Variants in YWHAG observed in about 807,000 individuals in gnomAD.
YWHAG encodes 14-3-3 protein gamma.
YWHAG carries 1 observed loss-of-function variant against 23.3 expected under a neutral mutation model. That is an observed-to-expected ratio of 0.04 (90% CI 0.02 to 0.20). The LOEUF (loss-of-function observed/expected upper bound fraction) is 0.20, where lower values mean the gene tolerates loss of function less well. Among genes scored for constraint, YWHAG ranks in the 10% least tolerant of loss-of-function variants. The probability of loss-of-function intolerance (pLI) is 1.00; values close to 1 mark genes in which losing one functional copy is unlikely to be tolerated. For missense variants in YWHAG, 151 were observed against 338.6 expected (o/e 0.45, Z 4.35); for synonymous variants, 160 against 144.0 (o/e 1.11, Z -0.80).
chr7:76,337,518 G>A (rs528406499), intron 1 of YWHAG, among the ~76,000 whole-genome samples: 3 of 151,310 alleles, frequency 2.0e-5, no homozygotes, highest in East Asian at 3.9e-4. Flanking sequence ...CATCTCCTGC[G>A]CCTCTTCCCT....
At chr7:76,354,293 C>T (rs1803917856) in intron 1 of YWHAG, among the ~76,000 whole-genome samples, 1 of 151,958 alleles carries the variant, frequency 6.6e-6, no homozygotes, top group Non-Finnish European at 1.5e-5. Flanking sequence ...GGCAGATCAC[C>T]TGAAGTCAGG....
intron 1 of YWHAG, among the ~76,000 whole-genome samples, chr7:76,346,273 A>G (rs1803778494): frequency 6.6e-6 from 1 of 152,090 alleles, no homozygotes; most frequent in Non-Finnish European, 1.5e-5. Context: ...TCACTACTTA[A>G]GTGCCAACCA....
rs542190610 is a variant in YWHAG at position 76,333,647 on chromosome 7, G to GA, written c.88-3415dup. 9.7e-4 allele frequency among the ~76,000 whole-genome samples: 147 copies of GA among 152,050 alleles called. 3 individuals are homozygous for GA. The South Asian group carries it at 0.019, about 20-fold the overall frequency. The stretch of plus-strand genomic sequence containing the variant: ...CATAAACCCTAGTTCCATACAGCCT[G>GA]AAAAAAAACTGCCCAGACTTGGCTT... On this transcript the variant is annotated intron_variant, in intron 1 of 1. Transcript: ENST00000307630.
intron 1 of YWHAG, among the ~76,000 whole-genome samples, chr7:76,349,127 G>A (rs995650727): frequency 6.6e-6 from 1 of 151,922 alleles, no homozygotes; most frequent in East Asian, 1.9e-4. Flanking sequence ...TGGATCACGA[G>A]GTCAGAAGAT....
intron 1 of YWHAG, among the ~76,000 whole-genome samples, chr7:76,353,423 G>A (rs1473708280): frequency 1.3e-5 from 2 of 151,982 alleles, no homozygotes; most frequent in Non-Finnish European, 2.9e-5. Context: ...ATGTTGGTCA[G>A]GCTGGTCTCC....
intron 1 of YWHAG, among the ~76,000 whole-genome samples, chr7:76,349,234 C>A (rs1024383731): frequency 6.7e-6 from 1 of 149,530 alleles, no homozygotes; most frequent in African/African-American, 2.5e-5. Flanking sequence ...CCCAGCTACT[C>A]GGGAGGCTGA....
At chr7:76,348,547 G>A (rs1803821648) in intron 1 of YWHAG, among the ~76,000 whole-genome samples, 1 of 151,852 alleles carries the variant, frequency 6.6e-6, no homozygotes, top group African/African-American at 2.4e-5. Flanking sequence ...GGGGCTACAG[G>A]TGACCGCCAC....
chr7:76,329,831 G>A lies in YWHAG; in HGVS notation c.490C>T (p.His164Tyr). Residue 164 changes from histidine to tyrosine, a missense_variant, in exon 2 of 2, where the codon CAC becomes TAC. His to Tyr is a moderately conservative substitution (Grantham distance 83, BLOSUM62 2). Coordinates refer to ENST00000307630, the MANE Select transcript of YWHAG (RefSeq NM_012479.4). The surrounding 1 kb of genome is among the most constrained non-coding windows in gnomAD (Gnocchi z 6.1). Reference sequence around the variant, plus strand: ...CGGATGGGGTGGGTGGGCTGCATGTGCTCTTTGCTGATCTCGTGGGCTTCG... The same window carrying A: ...CGGATGGGGTGGGTGGGCTGCATGTACTCTTTGCTGATCTCGTGGGCTTCG... ...YSEAHEISKEHMQPTHPIRLG... is the reference protein window; with the variant it reads ...YSEAHEISKEYMQPTHPIRLG... 1 of 1,614,008 alleles carries A rather than the reference G, an allele frequency of 6.2e-7. No homozygotes were observed. The highest frequency in any genetic ancestry group is 8.5e-7 in the Non-Finnish European group (1 of 1,179,990).
Position 76,358,932 on chromosome 7 carries a change from G to A in YWHAG, c.-124C>T. 5 of 900,188 alleles carry A rather than the reference G, an allele frequency of 5.6e-6. No individual in the cohort carries two copies. The South Asian group carries it at 7.7e-5, about 14-fold the overall frequency. 55.8% of individuals were successfully genotyped at this position (900,188 alleles called of 1,614,324 possible). A position where few individuals can be genotyped will look rare whatever the true frequency, so the allele number is the denominator to read the frequency against. On this transcript the variant is annotated 5_prime_UTR_variant, in exon 1 of 2. Transcript: ENST00000307630. ...ACCCACAGAGCGAGCAGCTGAGGCG[G>A]CGGCTGCGCGGAGGAGGCGGCTGGA...
At position 76,327,236 on chromosome 7, in the gene YWHAG, C is replaced by A. The variant is rs532110435; in HGVS notation, c.*2341G>T. ...GAAAAATTAAATTAAAAAAAAAAAACCTTTAAAAAATTTGAAGACTTAATT... is the reference window on the plus strand; with the variant it reads ...GAAAAATTAAATTAAAAAAAAAAAAACTTTAAAAAATTTGAAGACTTAATT... On this transcript the variant is annotated 3_prime_UTR_variant, in exon 2 of 2. Transcript: ENST00000307630. 6 of 150,750 alleles carry A rather than the reference C, an allele frequency of 4.0e-5. No homozygotes were observed. The East Asian group carries it at 5.9e-4, about 15-fold the overall frequency. 9.3% of individuals were successfully genotyped at this position (150,750 alleles called of 1,614,324 possible).
chr7:76,352,463 C>T (rs988945241), intron 1 of YWHAG, among the ~76,000 whole-genome samples: 8 of 152,264 alleles, frequency 5.3e-5, no homozygotes, highest in African/African-American at 1.9e-4. Context: ...CCAACTCGGA[C>T]ACCCCTGCTC....
intron 1 of YWHAG, among the ~76,000 whole-genome samples, chr7:76,339,047 C>G (rs1483701464): frequency 6.6e-6 from 1 of 152,202 alleles, no homozygotes; most frequent in Non-Finnish European, 1.5e-5. Flanking sequence ...AGCTTAAAGC[C>G]AATCTTGAAA....
chr7:76,342,234 C>T (rs1803707239), intron 1 of YWHAG, among the ~76,000 whole-genome samples: 1 of 152,204 alleles, frequency 6.6e-6, no homozygotes, highest in Non-Finnish European at 1.5e-5. Context: ...AGGAAATGTA[C>T]ATGTCCTGCC....
intron 1 of YWHAG, among the ~76,000 whole-genome samples, chr7:76,355,593 C>T (rs1803941928): frequency 6.6e-6 from 1 of 152,128 alleles, no homozygotes; most frequent in Non-Finnish European, 1.5e-5. Context: ...GGTACCATTA[C>T]TCCATTAGTG....
intron 1 of YWHAG, among the ~76,000 whole-genome samples, chr7:76,332,278 C>A (rs1803554297): frequency 6.6e-6 from 1 of 152,228 alleles, no homozygotes; most frequent in Non-Finnish European, 1.5e-5. Context: ...TGAATAAACA[C>A]AGGCACCTCG....
intron 1 of YWHAG, among the ~76,000 whole-genome samples, chr7:76,346,087 C>G (rs1238274729): frequency 2.0e-5 from 3 of 152,228 alleles, no homozygotes; most frequent in Admixed American, 1.3e-4. Flanking sequence ...TTCACTCCCT[C>G]CTCAACCCCA....
intron 1 of YWHAG, among the ~76,000 whole-genome samples, chr7:76,349,880 G>A (rs995963744): frequency 1.3e-5 from 2 of 152,172 alleles, no homozygotes; most frequent in Non-Finnish European, 2.9e-5. Flanking sequence ...TGTAATCCCA[G>A]CTACTGGGGA....
chr7:76,345,968 A>C (rs1803774242), intron 1 of YWHAG, among the ~76,000 whole-genome samples: 1 of 152,158 alleles, frequency 6.6e-6, no homozygotes, highest in Non-Finnish European at 1.5e-5. Flanking sequence ...TAAGTAAGTA[A>C]ATAAATAAAA....
At chr7:76,336,451 CTTTT>C (rs35137930) in intron 1 of YWHAG, among the ~76,000 whole-genome samples, 3 of 116,716 alleles carry the variant, frequency 2.6e-5, no homozygotes, top group Admixed American at 1.8e-4. Context: ...GAAAGTCTGG[CTTTT>C]TTTTTTTTTT....
Sources: allele counts gnomAD v4.1 joint callset (sites outside exome capture counted in the v4.1 genomes callset), GRCh38; gene constraint gnomAD v4.1.1; non-coding constraint Gnocchi (gnomAD v3.1); transcripts MANE v1.5; gene names NCBI Gene and HGNC (gene_info 2026-07-23, HGNC 2026-07-21).